Variants in ENOX1 observed in about 807,000 individuals in gnomAD.
ENOX1 encodes the protein ecto-NOX disulfide-thiol exchanger 1.
ENOX1 carries 42 observed loss-of-function variants against 82.5 expected under a neutral mutation model. That is an observed-to-expected ratio of 0.51 (90% CI 0.40 to 0.66). The LOEUF (loss-of-function observed/expected upper bound fraction) is 0.66. Ranked by LOEUF, ENOX1 falls within the 30% of genes least tolerant of loss-of-function variation. The pLI, the probability that ENOX1 is intolerant of heterozygous loss-of-function variation, is 0.00. For synonymous variants in ENOX1, 271 were observed against 282.2 expected, an observed-to-expected ratio of 0.96 and a Z score of 0.40; for missense variants, 608 against 811.6, an observed-to-expected ratio of 0.75 and a Z score of 3.05.
chr13:43,702,480 C>G (rs1303456471), intron 1 of ENOX1, among the ~76,000 whole-genome samples: 2 of 152,186 alleles, frequency 1.3e-5, no homozygotes, highest in Non-Finnish European at 2.9e-5. Context: ...GCAGGCAAAT[C>G]TGGAAGAACG....
rs116809858 is a variant in ENOX1 at position 43,647,501 on chromosome 13, G to T, written c.-219+19978C>A. On this transcript the variant is annotated intron_variant, in intron 2 of 16. Transcript: ENST00000690772. Reference sequence around the variant, plus strand: ...CAAAACAGCAATCTAGGCTCACTCTGCCATCAGGAACCAAATTATCAAGAA... The same window carrying T: ...CAAAACAGCAATCTAGGCTCACTCTTCCATCAGGAACCAAATTATCAAGAA... Among the ~76,000 whole-genome samples the T allele has an allele frequency of 6.2e-3, 951 of 152,228 alleles. 8 individuals are homozygous for T. Among genetic ancestry groups the T allele is most frequent in the African/African-American group, 0.022 (919 of 41,536 alleles).
At chr13:43,254,837 G>C (rs1235658463) in intron 14 of ENOX1, among the ~76,000 whole-genome samples, 2 of 152,044 alleles carry the variant, frequency 1.3e-5, no homozygotes, top group African/African-American at 2.4e-5. Context: ...TTGAACCATG[G>C]AGACATAGAA....
At chr13:43,580,782 TA>T (rs2080684099) in intron 2 of ENOX1, among the ~76,000 whole-genome samples, 1 of 152,228 alleles carries the variant, frequency 6.6e-6, no homozygotes, top group Admixed American at 6.5e-5. Context: ...CCTCTCTTAA[TA>T]GAATTCTCAT....
chr13:43,219,968 A>G (rs922868208), intron 16 of ENOX1, among the ~76,000 whole-genome samples: 1 of 152,252 alleles, frequency 6.6e-6, no homozygotes, highest in Non-Finnish European at 1.5e-5. Flanking sequence ...GCACATTTAA[A>G]TCTTGTTCAT....
intron 2 of ENOX1, among the ~76,000 whole-genome samples, chr13:43,626,779 T>G (rs2082982389): frequency 6.6e-6 from 1 of 151,912 alleles, no homozygotes; most frequent in South Asian, 2.1e-4. Flanking sequence ...TTGGGTGGAC[T>G]GTTTTATAAA....
chr13:43,298,650 A>G, intron 11 of ENOX1, 120 bp from the exon 12 acceptor site: 1 of 907,022 alleles, frequency 1.1e-6, no homozygotes, highest in Non-Finnish European at 1.6e-6. Flanking sequence ...TCAGAAATAA[A>G]AGCAAAATGC....
rs1466110549 is a variant in ENOX1, at chr13:43,356,307, C to G, written c.590-155G>C. ...GGAAGCGGGAAACAATTATCCTTTT[C>G]CCCAGCAATCTTGAAGCTCTGTAAA... On this transcript the variant is annotated intron_variant, in intron 7 of 16. Coordinates refer to ENST00000690772, the MANE Select transcript of ENOX1 (RefSeq NM_001347969.2). Among the ~76,000 whole-genome samples the G allele has an allele frequency of 2.0e-5, 3 of 152,150 alleles. No individual in the cohort carries two copies. In the East Asian group the frequency reaches 5.8e-4, roughly 29 times the overall value.
intron 5 of ENOX1, among the ~76,000 whole-genome samples, chr13:43,378,235 G>A (rs975152192): frequency 2.0e-5 from 3 of 152,196 alleles, no homozygotes; most frequent in Admixed American, 6.5e-5. Context: ...GAGAGTTTCC[G>A]GGCTACAGCA....
At chr13:43,255,219 A>G (rs1383853238) in intron 14 of ENOX1, among the ~76,000 whole-genome samples, 2 of 152,206 alleles carry the variant, frequency 1.3e-5, no homozygotes, top group Non-Finnish European at 2.9e-5. Flanking sequence ...TAGATGGTGA[A>G]AAAGCATTTG....
rs1005144578 is a variant in ENOX1, at chr13:43,425,780, A to T, written c.-74-12792T>A. ...ATAAATTCCATATTATGACAATTCT[A>T]ATTATCAAATTTAGTATTCACATGA... On this transcript the variant is annotated intron_variant, in intron 3 of 16. Transcript: ENST00000690772. Among the ~76,000 whole-genome samples the T allele has an allele frequency of 5.3e-5, 8 of 152,240 alleles. No homozygotes were observed. The South Asian group carries it at 8.3e-4, about 16-fold the overall frequency.
intron 2 of ENOX1, among the ~76,000 whole-genome samples, chr13:43,639,319 A>G (rs2083534755): frequency 6.6e-6 from 1 of 152,124 alleles, no homozygotes; most frequent in African/African-American, 2.4e-5. Flanking sequence ...AAAAATAAAA[A>G]CTGTGACATA....
At chr13:43,293,029 A>C (rs1162839702) in intron 12 of ENOX1, among the ~76,000 whole-genome samples, 1 of 151,756 alleles carries the variant, frequency 6.6e-6, no homozygotes, top group Non-Finnish European at 1.5e-5. Flanking sequence ...CACCATCCCC[A>C]CCACAGCCAC....
intron 12 of ENOX1, among the ~76,000 whole-genome samples, chr13:43,294,357 T>C (rs1446144291): frequency 6.6e-6 from 1 of 152,226 alleles, no homozygotes; most frequent in Non-Finnish European, 1.5e-5. Context: ...TAAAAAATTA[T>C]GACATGTTGA....
intron 12 of ENOX1, among the ~76,000 whole-genome samples, chr13:43,270,236 C>A (rs2044608626): frequency 6.6e-6 from 1 of 152,120 alleles, no homozygotes; most frequent in African/African-American, 2.4e-5. Context: ...CCTTGTCTGC[C>A]AAAAGCACAG....
intron 3 of ENOX1, among the ~76,000 whole-genome samples, chr13:43,457,233 T>C (rs1784281716): frequency 6.6e-6 from 1 of 152,216 alleles, no homozygotes; most frequent in Admixed American, 6.5e-5. Flanking sequence ...TTGGTCTAGT[T>C]TGTTTGTCCA....
At chr13:43,754,336 T>A (rs1341491492) in intron 1 of ENOX1, among the ~76,000 whole-genome samples, 2 of 144,732 alleles carry the variant, frequency 1.4e-5, no homozygotes, top group African/African-American at 5.1e-5. Flanking sequence ...TATATATATA[T>A]ATTATTATTA....
At chr13:43,680,538 G>A (rs2085733795) in intron 1 of ENOX1, among the ~76,000 whole-genome samples, 1 of 152,088 alleles carries the variant, frequency 6.6e-6, no homozygotes, top group Non-Finnish European at 1.5e-5. Flanking sequence ...TAATGACATT[G>A]GAAAATGATG....
intron 9 of ENOX1, among the ~76,000 whole-genome samples, chr13:43,335,699 A>T (rs1351745865): frequency 6.7e-6 from 1 of 149,780 alleles, no homozygotes; most frequent in Non-Finnish European, 1.5e-5. Flanking sequence ...ATTATTAAAG[A>T]TTTTTTTAAA....
chr13:43,442,711 C>T (rs977169021), intron 3 of ENOX1, among the ~76,000 whole-genome samples: 4 of 152,170 alleles, frequency 2.6e-5, no homozygotes, highest in East Asian at 1.9e-4. Context: ...TTCCATATCC[C>T]GGCTCTGTGT....
Sources: allele counts gnomAD v4.1 joint callset (sites outside exome capture counted in the v4.1 genomes callset), GRCh38; gene constraint gnomAD v4.1.1; transcripts MANE v1.5; gene names NCBI Gene and HGNC (gene_info 2026-07-23, HGNC 2026-07-21).